Variants in ASTN2 observed in about 807,000 individuals in gnomAD.
The protein encoded by ASTN2 is astrotactin-2.
In ASTN2, 54 loss-of-function variants were observed where a neutral mutation model predicts 139.8. That is an observed-to-expected ratio of 0.39 (90% CI 0.31 to 0.48). The LOEUF (loss-of-function observed/expected upper bound fraction) is 0.48, where lower values mean the gene tolerates loss of function less well. Ranked by LOEUF, ASTN2 falls within the 20% of genes least tolerant of loss-of-function variation. ASTN2 has a pLI of 0.95. For missense variants in ASTN2, 1,565 were observed against 1,725.1 expected (o/e 0.91, Z 1.64); for synonymous variants, 756 against 719.5 (o/e 1.05, Z -0.81).
intron 19 of ASTN2, among the ~76,000 whole-genome samples, chr9:116,614,555 C>T (rs893729523): frequency 1.3e-4 from 20 of 152,106 alleles, no homozygotes; most frequent in Admixed American, 1.0e-3. Context: ...ATAGAGCCCC[C>T]GGAAACAATA....
intron 1 of ASTN2, among the ~76,000 whole-genome samples, chr9:117,407,551 T>G (rs1482307208): frequency 6.6e-6 from 1 of 152,208 alleles, no homozygotes; most frequent in Non-Finnish European, 1.5e-5. Context: ...ACTCACAGAC[T>G]TGGATGCTTA....
At position 116,742,111 on chromosome 9, in the gene ASTN2, A is replaced by C. The variant is rs569582545; in HGVS notation, c.2397-8588T>G. Among the ~76,000 whole-genome samples, 19 of 152,342 alleles carry C rather than the reference A, an allele frequency of 1.2e-4. No homozygotes were observed. In the East Asian group the frequency reaches 3.7e-3, roughly 29 times the overall value. ...TGTGCACATGTGTGCAAGGTAAATC[A>C]TTGTTTTGAAAATGTTAAAATGTTT... is the stretch of plus-strand genomic sequence containing the variant. On this transcript the variant is annotated intron_variant, in intron 13 of 22. Transcript: ENST00000313400.
intron 5 of ASTN2, among the ~76,000 whole-genome samples, chr9:117,088,310 C>T (rs7852300): frequency 0.057 from 8,724 of 152,178 alleles, 563 homozygotes; most frequent in East Asian, 0.19. Context: ...ACGTACCATC[C>T]GCCCTCACAC....
At chr9:116,861,636 G>T (rs577144509) in intron 11 of ASTN2, among the ~76,000 whole-genome samples, 4 of 152,308 alleles carry the variant, frequency 2.6e-5, no homozygotes, top group African/African-American at 9.6e-5. Context: ...TCAGGGCCAT[G>T]CATTTCAGGT....
intron 12 of ASTN2, among the ~76,000 whole-genome samples, chr9:116,808,850 A>G (rs1469004557): frequency 6.6e-6 from 1 of 152,186 alleles, no homozygotes; most frequent in Non-Finnish European, 1.5e-5. Flanking sequence ...TAGGATAGGA[A>G]AAATAACTCA....
chr9:116,858,161 T>A (rs1832789439), intron 11 of ASTN2, among the ~76,000 whole-genome samples: 1 of 152,230 alleles, frequency 6.6e-6, no homozygotes, highest in Non-Finnish European at 1.5e-5. Context: ...ATGCCCCATC[T>A]GTCTTTGATC....
At chr9:117,166,485 C>T (rs1830672755) in intron 3 of ASTN2, among the ~76,000 whole-genome samples, 1 of 152,028 alleles carries the variant, frequency 6.6e-6, no homozygotes, top group Non-Finnish European at 1.5e-5. Flanking sequence ...CAAGGAAGGC[C>T]CTTTACAGCC....
intron 10 of ASTN2, among the ~76,000 whole-genome samples, chr9:116,965,048 A>G (rs967563154): frequency 8.5e-5 from 13 of 152,206 alleles, no homozygotes; most frequent in Non-Finnish European, 1.6e-4. Context: ...GAGATGGCAA[A>G]CACATGACCC....
chr9:117,041,529 C>T (rs1838571802), intron 5 of ASTN2, among the ~76,000 whole-genome samples: 1 of 152,134 alleles, frequency 6.6e-6, no homozygotes, highest in Admixed American at 6.6e-5. Context: ...TATTCTATGT[C>T]CTCAGCATTT....
At chr9:117,201,440 A>G (rs750998346) in intron 3 of ASTN2, among the ~76,000 whole-genome samples, 7 of 152,192 alleles carry the variant, frequency 4.6e-5, no homozygotes, top group East Asian at 1.9e-4. Context: ...TAGGGTGTCA[A>G]TCTGAGATCT....
chr9:116,765,706 A>T (rs1829788820), intron 13 of ASTN2, among the ~76,000 whole-genome samples: 1 of 152,138 alleles, frequency 6.6e-6, no homozygotes, highest in Non-Finnish European at 1.5e-5. Flanking sequence ...TTTAAAAAAT[A>T]GAAGGGAAAA....
intron 1 of ASTN2, among the ~76,000 whole-genome samples, chr9:117,331,471 A>T (rs1246233771): frequency 6.6e-6 from 1 of 152,180 alleles, no homozygotes; most frequent in Non-Finnish European, 1.5e-5. Flanking sequence ...CATCCATTAA[A>T]TTGGGCTCCG....
chr9:116,976,517 C>A (rs954879131), intron 8 of ASTN2, among the ~76,000 whole-genome samples, 184 bp downstream of exon 8: 8 of 152,290 alleles, frequency 5.3e-5, no homozygotes, highest in Non-Finnish European at 5.9e-5. Flanking sequence ...CAATCATGTA[C>A]CTTTAATACT....
chr9:117,043,517 C>A (rs1838640730), intron 5 of ASTN2, among the ~76,000 whole-genome samples: 1 of 152,160 alleles, frequency 6.6e-6, no homozygotes, highest in African/African-American at 2.4e-5. Flanking sequence ...GGCTGAGGGG[C>A]ACAGGTAGAA....
At chr9:116,465,732 C>G (rs980976230) in intron 20 of ASTN2, among the ~76,000 whole-genome samples, 2 of 152,136 alleles carry the variant, frequency 1.3e-5, no homozygotes, top group African/African-American at 4.8e-5. Context: ...AGCAAACAAA[C>G]ACAAACCCAC....
chr9:116,734,480 C>T (rs1185941309), intron 13 of ASTN2, among the ~76,000 whole-genome samples: 4 of 152,008 alleles, frequency 2.6e-5, no homozygotes, highest in South Asian at 2.1e-4. Flanking sequence ...CGGATGGTAT[C>T]GAGGTCTTTT....
intron 11 of ASTN2, among the ~76,000 whole-genome samples, chr9:116,858,753 G>T (rs536007830): frequency 7.9e-5 from 12 of 152,176 alleles, no homozygotes; most frequent in African/African-American, 2.9e-4. Flanking sequence ...CTGGTCAAGG[G>T]ATATGGTCTC....
chr9:116,765,451 G>A (rs536309685), intron 13 of ASTN2, among the ~76,000 whole-genome samples: 1 of 152,280 alleles, frequency 6.6e-6, no homozygotes, highest in African/African-American at 2.4e-5. Context: ...AAGGGTATGT[G>A]ATATTGGGTA....
chr9:117,189,021 TCC>T (rs1236505651), intron 3 of ASTN2, among the ~76,000 whole-genome samples: 1 of 151,988 alleles, frequency 6.6e-6, no homozygotes. Flanking sequence ...TCCCCTCCTG[TCC>T]CCACCTGGGA....
Sources: gnomAD v4.1 joint callset for allele counts (sites outside exome capture counted in the v4.1 genomes callset) on GRCh38, gnomAD v4.1.1 for gene constraint, MANE v1.5 for transcripts, NCBI Gene and HGNC (gene_info 2026-07-23, HGNC 2026-07-21) for gene names.